BDKRB2: variants seen among roughly 807,000 people sequenced by gnomAD.
The protein encoded by BDKRB2 is B2 bradykinin receptor.
BDKRB2 carries 6 observed loss-of-function variants against 4.0 expected under a neutral mutation model. The ratio of observed to expected loss-of-function variants is 1.49; its 90% confidence interval spans 0.81 to 2.93. BDKRB2 has a LOEUF of 2.93. Among genes scored for constraint, BDKRB2 ranks in the 30% most tolerant of loss-of-function variants. BDKRB2 has a pLI of 0.00. For synonymous variants in BDKRB2, 225 were observed against 215.3 expected (o/e 1.05, Z -0.40); for missense variants, 478 against 520.1 (o/e 0.92, Z 0.79).
chr14:96,232,221 A>C (rs1890834120), intron 1 of BDKRB2, among the ~76,000 whole-genome samples: 1 of 152,184 alleles, frequency 6.6e-6, no homozygotes, highest in East Asian at 1.9e-4. Context: ...TCTACTCCAC[A>C]CAGCACCCTA....
intron 1 of BDKRB2, among the ~76,000 whole-genome samples, chr14:96,214,327 T>C (rs1890370664): frequency 6.6e-6 from 1 of 152,132 alleles, no homozygotes; most frequent in South Asian, 2.1e-4. Context: ...CAGAACAATC[T>C]GTGGATTTGG....
Position 96,240,569 on chromosome 14 carries a change from G to A in BDKRB2, c.241G>A (p.Val81Ile), listed in dbSNP as rs200683377. Residue 81 changes from valine to isoleucine, a missense_variant, in exon 3 of 3, where the codon GTC becomes ATC. Transcript: ENST00000554311. Reference sequence around the variant, plus strand: ...CCTAGAGAACATCTTTGTCCTCAGCGTCTTCTGCCTGCACAAGAGCAGCTG... The same window carrying A: ...CCTAGAGAACATCTTTGTCCTCAGCATCTTCTGCCTGCACAAGAGCAGCTG... The part of the protein sequence containing the change: ...ATLENIFVLS[V>I]FCLHKSSCTV... The A allele has an allele frequency of 2.9e-5, 46 of 1,567,222 alleles. No individual in the cohort carries two copies. Among genetic ancestry groups the A allele is most frequent in the Admixed American group, 2.9e-4 (15 of 52,516 alleles).
chr14:96,235,930 G>T (rs2069573), intron 1 of BDKRB2, among the ~76,000 whole-genome samples: 5,870 of 152,232 alleles, frequency 0.039, 190 homozygotes, highest in East Asian at 0.13. Context: ...AAGTCTGGAA[G>T]GGAAAGAGGG....
chr14:96,239,627 C>T (rs2069585), intron 2 of BDKRB2: 22,148 of 970,992 alleles, frequency 0.023, 324 homozygotes, highest in South Asian at 0.046. Flanking sequence ...GTGCTTGGGG[C>T]ATTTTGCACA....
At chr14:96,232,352 A>G (rs1455425185) in intron 1 of BDKRB2, among the ~76,000 whole-genome samples, 1 of 152,250 alleles carries the variant, frequency 6.6e-6, no homozygotes, top group African/African-American at 2.4e-5. Context: ...TCCAGAGCCC[A>G]TCGGCCTAAC....
rs1388607787 is a variant in BDKRB2 at position 96,243,218 on chromosome 14, C to A, written c.*1714C>A. 7.2e-6 allele frequency: 1 copy of A among 138,062 alleles called. No homozygotes were observed. Among genetic ancestry groups the A allele is most frequent in the Non-Finnish European group, 1.5e-5 (1 of 67,976 alleles). The allele number at this position is 138,062 out of a possible 1,614,324, so 8.6% of individuals were successfully genotyped here. On this transcript the variant is annotated 3_prime_UTR_variant, in exon 3 of 3. Coordinates refer to ENST00000554311, the MANE Select transcript of BDKRB2 (RefSeq NM_001379692.1). ...AGGGCTAGAATCTGGAGAGCTAGAA[C>A]CTGGAGGGCTAGAACCTGGAGAGCT... is the stretch of plus-strand genomic sequence containing the variant.
At chr14:96,232,048 G>A (rs1427987354) in intron 1 of BDKRB2, among the ~76,000 whole-genome samples, 3 of 152,206 alleles carry the variant, frequency 2.0e-5, no homozygotes, top group African/African-American at 7.2e-5. Context: ...ACCTCAGCTG[G>A]CCTGTGAGCA....
In BDKRB2 at chr14:96,223,687, G is replaced by A. The variant is rs544732883; in HGVS notation, c.-39-13382G>A. On this transcript the variant is annotated intron_variant, in intron 1 of 2. Coordinates refer to ENST00000554311, the MANE Select transcript of BDKRB2 (RefSeq NM_001379692.1). ...GGGATCATGTCAACTTGCTGTTTTTGTTTTTTCCTGCCTGGTGTTGTATGT... is the reference window on the plus strand; with the variant it reads ...GGGATCATGTCAACTTGCTGTTTTTATTTTTTCCTGCCTGGTGTTGTATGT... Among the ~76,000 whole-genome samples, 7 of 152,060 alleles carry A rather than the reference G, an allele frequency of 4.6e-5. 1 individual carries two copies. Among genetic ancestry groups the A allele is most frequent in the African/African-American group, 1.7e-4 (7 of 41,412 alleles).
In BDKRB2 at chr14:96,241,845, C is replaced by T. The variant is rs200658310; in HGVS notation, c.*341C>T. 3.8e-5 allele frequency: 8 copies of T among 210,698 alleles called. No homozygotes were observed. The South Asian group carries it at 8.2e-4, about 22-fold the overall frequency. The allele number at this position is 210,698 out of a possible 1,614,324, so 13.1% of individuals were successfully genotyped here. A position where few individuals can be genotyped will look rare whatever the true frequency, so the allele number is the denominator to read the frequency against. On this transcript the variant is annotated 3_prime_UTR_variant, in exon 3 of 3. Coordinates refer to ENST00000554311, the MANE Select transcript of BDKRB2 (RefSeq NM_001379692.1). ...CTGAGCTTCCCTCCCGTGTGTTCTC[C>T]GTCCCTGCCCCAGCAAGACAACTTA...
intron 1 of BDKRB2, among the ~76,000 whole-genome samples, chr14:96,229,915 T>G (rs1595259012): frequency 6.6e-6 from 1 of 151,684 alleles, no homozygotes; most frequent in Non-Finnish European, 1.5e-5. Context: ...GATCATGAGG[T>G]CAGGAGATCA....
intron 1 of BDKRB2, among the ~76,000 whole-genome samples, chr14:96,207,052 C>A (rs557854061): frequency 6.6e-6 from 1 of 152,104 alleles, no homozygotes; most frequent in Non-Finnish European, 1.5e-5. Flanking sequence ...AATCTCCCCC[C>A]AGAAGTCTCA....
intron 1 of BDKRB2, among the ~76,000 whole-genome samples, chr14:96,206,189 G>A (rs1454043791): frequency 5.3e-5 from 8 of 152,230 alleles, no homozygotes; most frequent in Non-Finnish European, 5.9e-5. Context: ...CAAGCTTGGA[G>A]GAAGCATTTG....
chr14:96,220,646 A>C, intron 1 of BDKRB2, among the ~76,000 whole-genome samples: 1 of 114,292 alleles, frequency 8.7e-6, no homozygotes, highest in African/African-American at 3.4e-5. Context: ...CCCTCTCTGG[A>C]ATCCATCCCT....
chr14:96,215,138 T>A (rs1890389078), intron 1 of BDKRB2, among the ~76,000 whole-genome samples: 1 of 152,248 alleles, frequency 6.6e-6, no homozygotes, highest in African/African-American at 2.4e-5. Context: ...AAGCAACCTA[T>A]GATCCCATGC....
At chr14:96,216,784 AG>A (rs1277682341) in intron 1 of BDKRB2, among the ~76,000 whole-genome samples, 1 of 136,784 alleles carries the variant, frequency 7.3e-6, no homozygotes, top group Admixed American at 7.2e-5. Context: ...GAGGAGGAGG[AG>A]GAGGAGGAAG....
chr14:96,223,067 G>A, intron 1 of BDKRB2: 1 of 853,204 alleles, frequency 1.2e-6, no homozygotes, highest in Non-Finnish European at 2.0e-6. Flanking sequence ...GTTGCTTGGA[G>A]GTTGGCGGCA....
chr14:96,225,593 C>A (rs1284195707), intron 1 of BDKRB2, among the ~76,000 whole-genome samples: 2 of 152,096 alleles, frequency 1.3e-5, no homozygotes, highest in Non-Finnish European at 2.9e-5. Context: ...AGTATAGGTC[C>A]CTTCAGCACC....
At chr14:96,226,821 C>G (rs759263219) in intron 1 of BDKRB2, among the ~76,000 whole-genome samples, 1 of 152,208 alleles carries the variant, frequency 6.6e-6, no homozygotes, top group Admixed American at 6.5e-5. Context: ...GAGCCCTTCC[C>G]ACACTAATAC....
chr14:96,236,926 A>G (rs1890948300), intron 1 of BDKRB2, 143 bp from the exon 2 acceptor site: 1 of 620,700 alleles, frequency 1.6e-6, no homozygotes, highest in African/African-American at 1.8e-5. Flanking sequence ...TTGTATCCCT[A>G]GCACCGCTGT....
Sources: gnomAD v4.1 joint callset for allele counts (sites outside exome capture counted in the v4.1 genomes callset) on GRCh38, gnomAD v4.1.1 for gene constraint, MANE v1.5 for transcripts, NCBI Gene and HGNC (gene_info 2026-07-23, HGNC 2026-07-21) for gene names.